Variants in BBS9 observed in about 807,000 individuals in gnomAD.
BBS9 encodes protein PTHB1.
A neutral mutation model predicts 117.7 loss-of-function variants in BBS9; 89 were observed. That is an observed-to-expected ratio of 0.76 (90% CI 0.64 to 0.90). The LOEUF (loss-of-function observed/expected upper bound fraction) is 0.90, where lower values mean the gene tolerates loss of function less well. BBS9 is among the 40% of genes least tolerant of loss of function. BBS9 has a pLI of 0.00. For missense variants in BBS9, 982 were observed against 1,042.2 expected, an observed-to-expected ratio of 0.94 and a Z score of 0.80; for synonymous variants, 379 against 370.9, an observed-to-expected ratio of 1.02 and a Z score of -0.25.
chr7:33,273,127 A>G lies in BBS9; in HGVS notation c.818A>G (p.Asp273Gly), dbSNP rs1264926096. The change falls in exon 8 of 23, where the codon GAT becomes GGT. Residue 273 changes from aspartate (D) to glycine (G), a missense_variant. Physicochemically the swap from Asp to Gly is moderately conservative, Grantham distance 94 (BLOSUM62 -1). Coordinates refer to ENST00000242067, the MANE Select transcript of BBS9 (RefSeq NM_198428.3). ...LGERNFFCLK[D>G]NGQIRFMKKL... The stretch of plus-strand genomic sequence containing the variant: ...GAGAGAAACTTTTTTTGCCTTAAGG[A>G]TAATGGACAAATTCGATTCATGAAG... 9 of 1,613,690 alleles carry G rather than the reference A, an allele frequency of 5.6e-6. No homozygotes were observed. The Admixed American group carries it at 1.0e-4, about 18-fold the overall frequency.
intron 12 of BBS9, 58 bp downstream of exon 12, chr7:33,344,692 C>A: frequency 6.6e-7 from 1 of 1,512,290 alleles, no homozygotes; most frequent in Non-Finnish European, 9.2e-7. Context: ...TTCATTACAT[C>A]TGTCACTGTT....
At chr7:33,196,341 A>C (rs1186101508) in intron 5 of BBS9, among the ~76,000 whole-genome samples, 2 of 152,108 alleles carry the variant, frequency 1.3e-5, no homozygotes, top group African/African-American at 4.8e-5. Context: ...AAAATGTATT[A>C]GTGGCCACAT....
chr7:33,603,604 C>A (rs901314631), intron 21 of BBS9, among the ~76,000 whole-genome samples: 6 of 152,078 alleles, frequency 3.9e-5, no homozygotes, highest in Non-Finnish European at 8.8e-5. Context: ...TTAGAAAGTA[C>A]TCAATAATGA....
rs1224158158 is a variant in BBS9 at position 33,524,909 on chromosome 7, C to T, written c.2299-9045C>T. 2.0e-5 allele frequency among the ~76,000 whole-genome samples: 3 copies of T among 152,224 alleles called. No homozygotes were observed. The East Asian group carries it at 5.8e-4, about 29-fold the overall frequency. On this transcript the variant is annotated intron_variant, in intron 20 of 22. Coordinates refer to ENST00000242067, the MANE Select transcript of BBS9 (RefSeq NM_198428.3). ...TTAGTGCTATAAATTTCCCTGTACG[C>T]ACTGCTTTGAATGCATCCCAGAGAT...
At position 33,482,048 on chromosome 7, in the gene BBS9, G is replaced by A. The variant is rs371094496; in HGVS notation, c.2116-23415G>A. ...CTAGTAGTTAACGGTGTCTCTGATC[G>A]GGTAAAGATTGGAGTAATCAGAGGG... is the stretch of plus-strand genomic sequence containing the variant. On this transcript the variant is annotated intron_variant, in intron 19 of 22. Transcript: ENST00000242067. Among the ~76,000 whole-genome samples, 330 of 152,198 alleles carry A rather than the reference G, an allele frequency of 2.2e-3. 2 individuals carry two copies. Among genetic ancestry groups the A allele is most frequent in the African/African-American group, 7.5e-3 (313 of 41,522 alleles).
intron 9 of BBS9, among the ~76,000 whole-genome samples, chr7:33,320,738 T>C (rs1811534788): frequency 6.6e-6 from 1 of 152,154 alleles, no homozygotes; most frequent in Admixed American, 6.5e-5. Context: ...TTCTCCATAT[T>C]TTCCTCAGCA....
intron 5 of BBS9, among the ~76,000 whole-genome samples, chr7:33,190,849 T>G (rs201112994): frequency 1.3e-5 from 2 of 151,352 alleles, no homozygotes; most frequent in Admixed American, 6.6e-5. Flanking sequence ...AGGGTAAGAG[T>G]GGAGAGGGAA....
intron 9 of BBS9, among the ~76,000 whole-genome samples, chr7:33,319,770 C>T (rs147295564): frequency 6.6e-6 from 1 of 152,114 alleles, no homozygotes; most frequent in African/African-American, 2.4e-5. Flanking sequence ...AGTAAACAGA[C>T]AACCCACAGA....
At chr7:33,616,269 C>T (rs1181213843) in intron 21 of BBS9, among the ~76,000 whole-genome samples, 1 of 150,500 alleles carries the variant, frequency 6.6e-6, no homozygotes, top group African/African-American at 2.4e-5. Context: ...TACATATATA[C>T]ATACACGTAG....
chr7:33,504,332 T>C (rs1316222732), intron 19 of BBS9, among the ~76,000 whole-genome samples: 12 of 152,284 alleles, frequency 7.9e-5, no homozygotes, highest in African/African-American at 2.9e-4. Flanking sequence ...TGCCTACATC[T>C]CTTTTCCAGT....
chr7:33,482,954 ATATAAG>A (rs1842681217), intron 19 of BBS9, among the ~76,000 whole-genome samples: 1 of 151,730 alleles, frequency 6.6e-6, no homozygotes, highest in Non-Finnish European at 1.5e-5. Context: ...TGTCCTATGA[ATATAAG>A]TATGTTAGTT....
chr7:33,606,645 C>T (rs191385371), downstream of BBS9, among the ~76,000 whole-genome samples: 6 of 152,240 alleles, frequency 3.9e-5, no homozygotes, highest in East Asian at 1.2e-3. Context: ...GAAAACGTTA[C>T]CAACACCCTA....
intron 19 of BBS9, among the ~76,000 whole-genome samples, chr7:33,443,455 T>C (rs1350607447): frequency 6.6e-6 from 1 of 152,204 alleles, no homozygotes; most frequent in Non-Finnish European, 1.5e-5. Flanking sequence ...TTCTTCCCTA[T>C]GGACTCCATG....
intron 20 of BBS9, among the ~76,000 whole-genome samples, chr7:33,529,590 CTCCCT>C (rs1850243379): frequency 6.6e-6 from 1 of 152,086 alleles, no homozygotes; most frequent in Admixed American, 6.6e-5. Context: ...CTAACACCTT[CTCCCT>C]TCCCTTCCCT....
At chr7:33,538,623 T>C (rs2129067033) in intron 21 of BBS9, among the ~76,000 whole-genome samples, 1 of 152,340 alleles carries the variant, frequency 6.6e-6, no homozygotes, top group South Asian at 2.1e-4. Context: ...TTTACTTTCA[T>C]ATTGTCAGTA....
intron 19 of BBS9, among the ~76,000 whole-genome samples, chr7:33,481,424 G>A (rs534689259): frequency 1.3e-5 from 2 of 152,174 alleles, no homozygotes; most frequent in African/African-American, 4.8e-5. Context: ...AATAAGGGTA[G>A]GAAAAGGTCA....
chr7:33,473,913 G>A (rs1406811229), intron 19 of BBS9, among the ~76,000 whole-genome samples: 1 of 152,072 alleles, frequency 6.6e-6, no homozygotes, highest in Non-Finnish European at 1.5e-5. Context: ...CCAATGCCAG[G>A]TTCATTTTAT....
intron 5 of BBS9, among the ~76,000 whole-genome samples, chr7:33,231,543 T>G (rs2128258479): frequency 6.6e-6 from 1 of 152,002 alleles, no homozygotes; most frequent in South Asian, 2.1e-4. Context: ...TCAGAATTTT[T>G]TTTAGCTATT....
downstream of BBS9, among the ~76,000 whole-genome samples, chr7:33,609,343 G>A (rs115685686): frequency 2.1e-3 from 327 of 152,102 alleles, 2 homozygotes; most frequent in African/African-American, 7.6e-3. Context: ...ATGTTCATGC[G>A]ATTTACTCTT....
Sources: allele counts gnomAD v4.1 joint callset (sites outside exome capture counted in the v4.1 genomes callset), GRCh38; gene constraint gnomAD v4.1.1; transcripts MANE v1.5; gene names NCBI Gene and HGNC (gene_info 2026-07-23, HGNC 2026-07-21).